LRMDA: variants seen among roughly 807,000 people sequenced by gnomAD.
LRMDA encodes the protein leucine-rich melanocyte differentiation-associated protein.
In LRMDA, 18 loss-of-function variants were observed where a neutral mutation model predicts 29.8. The ratio of observed to expected loss-of-function variants is 0.60; its 90% confidence interval spans 0.42 to 0.90. The LOEUF is 0.90. LRMDA is among the 40% of genes least tolerant of loss of function. LRMDA has a pLI of 0.00. For synonymous variants in LRMDA, 125 were observed against 109.4 expected (o/e 1.14, Z -0.89); for missense variants, 273 against 273.9 (o/e 1.00, Z 0.02).
chr10:75,758,761 A>G (rs981304143), intron 2 of LRMDA, among the ~76,000 whole-genome samples: 4 of 152,214 alleles, frequency 2.6e-5, no homozygotes, highest in Non-Finnish European at 5.9e-5. Context: ...ACTGTTTAAT[A>G]TTCGTGTGGG....
chr10:76,204,061 C>T (rs1399895892), intron 5 of LRMDA, among the ~76,000 whole-genome samples: 3 of 147,754 alleles, frequency 2.0e-5, no homozygotes, highest in East Asian at 2.1e-4. Flanking sequence ...CCTGTCCACC[C>T]GTCTCTATTC....
rs530171219 is a variant in LRMDA, at chr10:76,325,165, A to G, written c.601+680A>G. 3.3e-5 allele frequency among the ~76,000 whole-genome samples: 5 copies of G among 152,324 alleles called. No individual in the cohort carries two copies. In the South Asian group the frequency reaches 8.3e-4, roughly 25 times the overall value. On this transcript the variant is annotated intron_variant, in intron 6 of 6. Coordinates refer to ENST00000611255, the MANE Select transcript of LRMDA (RefSeq NM_001305581.2). ...CTTGTACACGTAAAGGTGAAAGTGA[A>G]CAGGGGCTATTCTAGCATTGTCATC...
intron 2 of LRMDA, among the ~76,000 whole-genome samples, chr10:75,817,743 A>G (rs965005284): frequency 2.0e-5 from 3 of 152,242 alleles, no homozygotes; most frequent in African/African-American, 7.2e-5. Context: ...GAATGATACA[A>G]TTAGGAAAGT....
intron 2 of LRMDA, among the ~76,000 whole-genome samples, chr10:75,492,579 C>T (rs970051542): frequency 1.3e-5 from 2 of 152,094 alleles, no homozygotes; most frequent in African/African-American, 2.4e-5. Context: ...TAATTTTGAG[C>T]CTTATTCTCT....
chr10:75,915,120 C>CTTTTTTTTT (rs71024579), intron 2 of LRMDA, among the ~76,000 whole-genome samples: 8 of 75,240 alleles, frequency 1.1e-4, no homozygotes, highest in African/African-American at 3.3e-4. Context: ...GTCTAACCTT[C>CTTTTTTTTT]TTTTTTTTTT....
At chr10:75,510,836 G>A (rs1182875623) in intron 2 of LRMDA, among the ~76,000 whole-genome samples, 1 of 152,200 alleles carries the variant, frequency 6.6e-6, no homozygotes, top group African/African-American at 2.4e-5. Context: ...CCCTGAGGCA[G>A]GAGAGTGGGT....
At position 75,916,193 on chromosome 10, in the gene LRMDA, T is replaced by TGTGTGTGTGGGTGG. The variant is rs72087365; in HGVS notation, c.132-119812_132-119811insTGTGTGGGTGGGTG. Among the ~76,000 whole-genome samples the TGTGTGTGTGGGTGG allele has an allele frequency of 9.3e-5, 13 of 140,154 alleles. No homozygotes were observed. The East Asian group carries it at 1.5e-3, about 16-fold the overall frequency. 91.9% of individuals were successfully genotyped at this position (140,154 alleles called of 152,430 possible). Reference sequence around the variant, plus strand: ...GTGTGTGTGTGTGTGTGTGTGTGTGTGTGGGTGGGTGTGCATGTGTGTATA... The same window carrying TGTGTGTGTGGGTGG: ...GTGTGTGTGTGTGTGTGTGTGTGTGTGTGTGTGTGGGTGGGTGGGTGGGTGTGCATGTGTGTATA... On this transcript the variant is annotated intron_variant, in intron 2 of 6. Coordinates refer to ENST00000611255, the MANE Select transcript of LRMDA (RefSeq NM_001305581.2).
At chr10:75,986,744 C>G (rs1847268552) in intron 2 of LRMDA, among the ~76,000 whole-genome samples, 1 of 152,278 alleles carries the variant, frequency 6.6e-6, no homozygotes, top group Admixed American at 6.5e-5. Flanking sequence ...ACGCTTCTCA[C>G]CACACCCAGC....
chr10:76,062,115 A>G (rs1050609013), intron 5 of LRMDA, among the ~76,000 whole-genome samples: 1 of 152,086 alleles, frequency 6.6e-6, no homozygotes, highest in Non-Finnish European at 1.5e-5. Flanking sequence ...TTTCCTTTCC[A>G]TGTGTTGCTG....
rs371578370 is a variant in LRMDA at position 75,751,052 on chromosome 10, G to A, written c.132-284956G>A. ...TTGAGCACTGAGTGAGCGAGACTCC[G>A]TCTGCAATCCCGGCACCTCCGGAGT... On this transcript the variant is annotated intron_variant, in intron 2 of 6. Transcript: ENST00000611255. 7.9e-5 allele frequency among the ~76,000 whole-genome samples: 12 copies of A among 152,360 alleles called. No individual in the cohort carries two copies. The East Asian group carries it at 1.7e-3, about 22-fold the overall frequency.
intron 2 of LRMDA, among the ~76,000 whole-genome samples, chr10:75,914,395 C>G (rs911636648): frequency 6.6e-6 from 1 of 152,208 alleles, no homozygotes; most frequent in South Asian, 2.1e-4. Flanking sequence ...AGAGATGCAG[C>G]CTTTTCTGTC....
At chr10:76,134,676 A>G (rs1850060997) in intron 5 of LRMDA, among the ~76,000 whole-genome samples, 1 of 152,164 alleles carries the variant, frequency 6.6e-6, no homozygotes, top group African/African-American at 2.4e-5. Context: ...CAAGTGACCT[A>G]GTTATATAAT....
At chr10:76,055,193 C>T (rs1162543686) in intron 4 of LRMDA, among the ~76,000 whole-genome samples, 4 of 151,056 alleles carry the variant, frequency 2.6e-5, no homozygotes, top group African/African-American at 9.8e-5. Flanking sequence ...GGAGGGAAGG[C>T]AGAACCCAGG....
intron 5 of LRMDA, among the ~76,000 whole-genome samples, chr10:76,159,281 T>G (rs767544095): frequency 1.3e-5 from 2 of 152,172 alleles, no homozygotes; most frequent in African/African-American, 2.4e-5. Flanking sequence ...TTAAAAACTT[T>G]ATGAGTGCCA....
intron 6 of LRMDA, among the ~76,000 whole-genome samples, chr10:76,408,427 T>G (rs957585452): frequency 6.6e-6 from 1 of 152,198 alleles, no homozygotes; most frequent in Non-Finnish European, 1.5e-5. Flanking sequence ...TCATTGATTA[T>G]GTACCGAGAA....
chr10:75,677,725 T>C (rs545719851), intron 2 of LRMDA, among the ~76,000 whole-genome samples: 5 of 152,216 alleles, frequency 3.3e-5, no homozygotes, highest in Non-Finnish European at 7.3e-5. Flanking sequence ...AACTGCTTGA[T>C]GATTAACAGT....
intron 2 of LRMDA, among the ~76,000 whole-genome samples, chr10:75,594,511 A>G (rs182069628): frequency 1.7e-3 from 258 of 152,362 alleles, no homozygotes; most frequent in Non-Finnish European, 3.2e-3. Flanking sequence ...ACACAAATAT[A>G]AATACAAAAT....
intron 5 of LRMDA, among the ~76,000 whole-genome samples, chr10:76,311,321 A>G (rs1216836524): frequency 7.5e-6 from 1 of 133,638 alleles, no homozygotes; most frequent in Non-Finnish European, 1.7e-5. Flanking sequence ...CACACATTTA[A>G]ATGAAATTTC....
chr10:75,776,422 T>C (rs1438141381), intron 2 of LRMDA, among the ~76,000 whole-genome samples: 1 of 152,226 alleles, frequency 6.6e-6, no homozygotes, highest in East Asian at 1.9e-4. Flanking sequence ...GAAAAAGAGT[T>C]CTGCATGCCA....
Sources: allele counts gnomAD v4.1 joint callset (sites outside exome capture counted in the v4.1 genomes callset), GRCh38; gene constraint gnomAD v4.1.1; transcripts MANE v1.5; gene names NCBI Gene and HGNC (gene_info 2026-07-23, HGNC 2026-07-21).